Variants in AK5 observed in about 807,000 individuals in gnomAD.
The protein encoded by AK5 is adenylate kinase isoenzyme 5.
Under a neutral mutation model 69.5 loss-of-function variants are expected in AK5, and 27 were observed. That is an observed-to-expected ratio of 0.39 (90% confidence interval 0.29 to 0.54). The LOEUF (loss-of-function observed/expected upper bound fraction) is 0.54, where lower values mean the gene tolerates loss of function less well. Ranked by LOEUF, AK5 falls within the 20% of genes least tolerant of loss-of-function variation. The pLI is 0.71. For missense variants in AK5, 531 were observed against 700.4 expected (o/e 0.76, Z 2.73); for synonymous variants, 260 against 244.4 (o/e 1.06, Z -0.60).
chr1:77,329,048 T>A (rs555157254), intron 5 of AK5, among the ~76,000 whole-genome samples: 2 of 152,248 alleles, frequency 1.3e-5, no homozygotes, highest in East Asian at 3.9e-4. Flanking sequence ...GCCCCACCTC[T>A]TAATACCAAT....
At chr1:77,378,566 C>T (rs1332188970) in intron 6 of AK5, among the ~76,000 whole-genome samples, 1 of 152,172 alleles carries the variant, frequency 6.6e-6, no homozygotes, top group Non-Finnish European at 1.5e-5. Flanking sequence ...AGTGATCCAC[C>T]CACCTTGGCC....
At position 77,360,497 on chromosome 1, in the gene AK5, G is replaced by A. The variant is rs149477906; in HGVS notation, c.891+19929G>A. ...GGATAGAGTAGGCAGAGAAGTTAGG[G>A]GGGGTGGATGTCAGAAAATGGAGTT... On this transcript the variant is annotated intron_variant, in intron 6 of 13. Coordinates refer to ENST00000354567, the MANE Select transcript of AK5 (RefSeq NM_174858.3). Among the ~76,000 whole-genome samples, 111 of 152,222 alleles carry A rather than the reference G, an allele frequency of 7.3e-4. No individual in the cohort carries two copies. The East Asian group carries it at 0.017, about 24-fold the overall frequency.
At chr1:77,515,693 T>TG (rs1657604892) in intron 10 of AK5, among the ~76,000 whole-genome samples, 1 of 152,030 alleles carries the variant, frequency 6.6e-6, no homozygotes, top group Admixed American at 6.6e-5. Flanking sequence ...GTCTGGCTCC[T>TG]GCCAGAAGGG....
At chr1:77,557,648 A>T (rs549985361) in intron 13 of AK5, among the ~76,000 whole-genome samples, 1 of 151,914 alleles carries the variant, frequency 6.6e-6, no homozygotes, top group South Asian at 2.1e-4. Context: ...TTTCTTCTCC[A>T]CATCTCTCTC....
At chr1:77,498,520 A>T (rs532656147) in intron 10 of AK5, among the ~76,000 whole-genome samples, 17 of 152,342 alleles carry the variant, frequency 1.1e-4, no homozygotes, top group African/African-American at 4.1e-4. Context: ...CTACATGTAC[A>T]GCTGTGTGAC....
intron 12 of AK5, among the ~76,000 whole-genome samples, chr1:77,527,340 C>T (rs986461810): frequency 1.3e-5 from 2 of 152,144 alleles, no homozygotes; most frequent in African/African-American, 4.8e-5. Context: ...TTGGTCTGTC[C>T]TCTGGCGTAA....
chr1:77,366,189 A>G (rs1210692058), intron 6 of AK5, among the ~76,000 whole-genome samples: 1 of 152,222 alleles, frequency 6.6e-6, no homozygotes, highest in African/African-American at 2.4e-5. Context: ...GAGACAGAAA[A>G]AAACAAGTTT....
intron 8 of AK5, among the ~76,000 whole-genome samples, chr1:77,457,298 G>A (rs576106900): frequency 2.0e-5 from 3 of 152,086 alleles, no homozygotes; most frequent in South Asian, 4.1e-4. Context: ...CAGGTCCCTC[G>A]GGCTTGGGAC....
chr1:77,422,336 G>T (rs1650871015), intron 8 of AK5, among the ~76,000 whole-genome samples: 1 of 151,956 alleles, frequency 6.6e-6, no homozygotes, highest in African/African-American at 2.4e-5. Flanking sequence ...CACAATCATG[G>T]CATTCCATGG....
chr1:77,373,679 T>C (rs1165646028), intron 6 of AK5, among the ~76,000 whole-genome samples: 2 of 151,152 alleles, frequency 1.3e-5, no homozygotes, highest in Non-Finnish European at 2.9e-5. Flanking sequence ...TGAGCCGAGA[T>C]CGTGCCATTG....
At chr1:77,293,982 A>G in intron 3 of AK5, 22 bp downstream of exon 3, 1 of 1,596,798 alleles carries the variant, frequency 6.3e-7, no homozygotes, top group Non-Finnish European at 8.5e-7. Context: ...GAAAGCAAAA[A>G]TTCTCATACC....
chr1:77,401,412 A>G (rs1649207868), intron 6 of AK5, among the ~76,000 whole-genome samples: 1 of 152,196 alleles, frequency 6.6e-6, no homozygotes, highest in Admixed American at 6.5e-5. Context: ...CTCTTGCATG[A>G]ATCAAGGGAG....
intron 5 of AK5, among the ~76,000 whole-genome samples, chr1:77,312,291 A>G (rs1405724691): frequency 6.6e-6 from 1 of 152,106 alleles, no homozygotes; most frequent in Non-Finnish European, 1.5e-5. Flanking sequence ...ATAATCTTCT[A>G]TCAACTCTGC....
intron 3 of AK5, among the ~76,000 whole-genome samples, chr1:77,296,669 T>G (rs1482153086): frequency 6.6e-6 from 1 of 152,178 alleles, no homozygotes; most frequent in Non-Finnish European, 1.5e-5. Flanking sequence ...CCAATGGAAT[T>G]GGTCAGATAA....
chr1:77,549,333 G>T, intron 13 of AK5, among the ~76,000 whole-genome samples: 1 of 151,972 alleles, frequency 6.6e-6, no homozygotes, highest in Non-Finnish European at 1.5e-5. Context: ...TACATATTGG[G>T]TGTATATATT....
rs1467117844 is a variant in AK5 at position 77,524,820 on chromosome 1, C to T, written c.1428+2877C>T. Among the ~76,000 whole-genome samples the T allele has an allele frequency of 1.3e-4, 7 of 52,328 alleles. No homozygotes were observed. In the East Asian group the frequency reaches 3.7e-3, roughly 27 times the overall value. The allele number at this position is 52,328 out of a possible 152,430, so 34.3% of individuals were successfully genotyped here. A position where few individuals can be genotyped will look rare whatever the true frequency, so the allele number is the denominator to read the frequency against. ...CTGTACAAGAAGTTATTACCTAATC[C>T]CCATGAAGCCTTCCCTCCGTATTTT... On this transcript the variant is annotated intron_variant, in intron 12 of 13. Transcript: ENST00000354567.
intron 8 of AK5, among the ~76,000 whole-genome samples, chr1:77,445,682 T>G (rs2100647641): frequency 6.6e-6 from 1 of 152,288 alleles, no homozygotes; most frequent in Middle Eastern, 3.4e-3. Flanking sequence ...CCTCCCAGGT[T>G]CAAGCGATTC....
intron 6 of AK5, among the ~76,000 whole-genome samples, chr1:77,399,774 C>T (rs371446855): frequency 5.3e-5 from 8 of 152,294 alleles, no homozygotes; most frequent in African/African-American, 1.9e-4. Flanking sequence ...GCTAGATGAC[C>T]TCAATCCTCT....
intron 13 of AK5, among the ~76,000 whole-genome samples, chr1:77,548,969 G>A (rs1659679045): frequency 1.4e-5 from 2 of 144,464 alleles, no homozygotes; most frequent in African/African-American, 5.3e-5. Flanking sequence ...TCCGCCTCTC[G>A]GGGTCAAGCG....
Sources: gnomAD v4.1 joint callset for allele counts (sites outside exome capture counted in the v4.1 genomes callset) on GRCh38, gnomAD v4.1.1 for gene constraint, MANE v1.5 for transcripts, NCBI Gene and HGNC (gene_info 2026-07-23, HGNC 2026-07-21) for gene names.